Variants in MAGI3 observed in about 807,000 individuals in gnomAD.
MAGI3 encodes the protein membrane associated guanylate kinase, WW and PDZ domain containing 3.
Under a neutral mutation model 121.8 loss-of-function variants are expected in MAGI3, and 43 were observed. The ratio of observed to expected loss-of-function variants is 0.35; its 90% CI spans 0.28 to 0.46. MAGI3 has a LOEUF of 0.46. Among genes scored for constraint, MAGI3 ranks in the 20% least tolerant of loss-of-function variants. The pLI is 1.00. For synonymous variants in MAGI3, 553 were observed against 639.3 expected (o/e 0.86, Z 2.04); for missense variants, 1,547 against 1,797.3 (o/e 0.86, Z 2.52).
At chr1:113,411,315 A>T (rs940022440) in intron 1 of MAGI3, among the ~76,000 whole-genome samples, 1 of 152,138 alleles carries the variant, frequency 6.6e-6, no homozygotes, top group Non-Finnish European at 1.5e-5. Flanking sequence ...TGGCACATAC[A>T]CAAATCATCT....
chr1:113,671,841 G>A lies in MAGI3; in HGVS notation c.2918+5G>A. On this transcript the variant is annotated splice_donor_5th_base_variant and intron_variant, in intron 17 of 20. Coordinates refer to ENST00000307546, the MANE Select transcript of MAGI3 (RefSeq NM_001142782.2). ...CAACCACATACCTGGGGACAGGTGG[G>A]GCTATTTTCAGGTTTTTGTTTTTGT... 1 of 1,613,708 alleles carries A rather than the reference G, an allele frequency of 6.2e-7. No homozygotes were observed. The highest frequency in any genetic ancestry group is 8.5e-7 in the Non-Finnish European group (1 of 1,179,670).
chr1:113,543,718 A>G (rs1659397309), intron 1 of MAGI3, among the ~76,000 whole-genome samples: 1 of 152,070 alleles, frequency 6.6e-6, no homozygotes, highest in Admixed American at 6.6e-5. Flanking sequence ...AAATACAAAA[A>G]TTAACCTGGC....
chr1:113,618,035 T>C (rs948490012), intron 7 of MAGI3, among the ~76,000 whole-genome samples: 5 of 152,158 alleles, frequency 3.3e-5, no homozygotes, highest in African/African-American at 4.8e-5. Context: ...TAACATTCCT[T>C]TTTTTGAAAG....
chr1:113,611,138 G>A (rs1167742741), intron 6 of MAGI3, among the ~76,000 whole-genome samples: 1 of 147,706 alleles, frequency 6.8e-6, no homozygotes, highest in Admixed American at 6.8e-5. Context: ...CCAGGCTGGA[G>A]TGCAGTGATG....
intron 1 of MAGI3, among the ~76,000 whole-genome samples, chr1:113,395,407 A>G (rs1029062937): frequency 6.6e-6 from 1 of 151,374 alleles, no homozygotes; most frequent in African/African-American, 2.4e-5. Context: ...TTTTTTCCCT[A>G]AAGCTCTTAA....
At chr1:113,662,803 G>T (rs1455087209) in intron 16 of MAGI3, among the ~76,000 whole-genome samples, 3 of 152,118 alleles carry the variant, frequency 2.0e-5, no homozygotes, top group Admixed American at 6.5e-5. Flanking sequence ...CCATGTTGTT[G>T]TTGTTTTCTT....
At chr1:113,606,194 T>C (rs1276869589) in intron 6 of MAGI3, among the ~76,000 whole-genome samples, 1 of 152,052 alleles carries the variant, frequency 6.6e-6, no homozygotes, top group African/African-American at 2.4e-5. Flanking sequence ...CTGAAACTCC[T>C]GACCTCAAGT....
chr1:113,600,552 A>G (rs553438485), intron 6 of MAGI3, among the ~76,000 whole-genome samples: 2 of 152,268 alleles, frequency 1.3e-5, no homozygotes, highest in South Asian at 4.2e-4. Flanking sequence ...ACTACAAACC[A>G]CTGCTCAATG....
At chr1:113,578,473 T>C (rs1647797537) in intron 2 of MAGI3, among the ~76,000 whole-genome samples, 1 of 152,082 alleles carries the variant, frequency 6.6e-6, no homozygotes. Context: ...GCAGTGGTGC[T>C]GCAATGATAA....
intron 19 of MAGI3, among the ~76,000 whole-genome samples, chr1:113,676,583 C>T (rs1365905711): frequency 2.0e-5 from 3 of 152,128 alleles, no homozygotes; most frequent in Admixed American, 2.0e-4. Flanking sequence ...ACTTTTTGGG[C>T]TATTAAATTA....
At position 113,570,955 on chromosome 1, in the gene MAGI3, G is replaced by A. The variant is rs191705949; in HGVS notation, c.434-9587G>A. Among the ~76,000 whole-genome samples, 19 of 152,256 alleles carry A rather than the reference G, an allele frequency of 1.2e-4. No individual in the cohort carries two copies. In the East Asian group the frequency reaches 3.3e-3, roughly 26 times the overall value. On this transcript the variant is annotated intron_variant, in intron 2 of 20. Transcript: ENST00000307546. ...CTATTGTTTTTGGTGTTTTAGTCAT[G>A]AAGTCTTTGCCCATGCCTACGTCCT...
intron 1 of MAGI3, among the ~76,000 whole-genome samples, chr1:113,446,991 G>C (rs1654207857): frequency 6.6e-6 from 1 of 152,218 alleles, no homozygotes; most frequent in Non-Finnish European, 1.5e-5. Flanking sequence ...GTTGCCAGGG[G>C]TGCAGTGGAG....
At chr1:113,559,031 C>G (rs1660107735) in intron 2 of MAGI3, among the ~76,000 whole-genome samples, 1 of 152,184 alleles carries the variant, frequency 6.6e-6, no homozygotes, top group Non-Finnish European at 1.5e-5. Flanking sequence ...ACCTGCCTTG[C>G]AAAAGCACCT....
At chr1:113,671,918 T>G in intron 17 of MAGI3, 82 bp downstream of exon 17, 3 of 1,231,764 alleles carry the variant, frequency 2.4e-6, no homozygotes, top group Non-Finnish European at 2.3e-6. Flanking sequence ...CCACTCCCCA[T>G]CATCCACCCC....
chr1:113,442,121 C>T (rs1409637452), intron 1 of MAGI3, among the ~76,000 whole-genome samples: 2 of 152,082 alleles, frequency 1.3e-5, no homozygotes, highest in African/African-American at 2.4e-5. Flanking sequence ...TCAGAAGCCA[C>T]TTATAATTTA....
chr1:113,472,359 C>T (rs561180675), intron 1 of MAGI3, among the ~76,000 whole-genome samples: 67 of 152,114 alleles, frequency 4.4e-4, no homozygotes, highest in African/African-American at 5.8e-4. Context: ...CCTGCCACCA[C>T]GCCCGGCTAA....
chr1:113,472,265 C>T (rs761726670), intron 1 of MAGI3, among the ~76,000 whole-genome samples: 35 of 150,528 alleles, frequency 2.3e-4, no homozygotes, highest in East Asian at 1.4e-3. Flanking sequence ...TGCAGTGGCG[C>T]GATCTCGGCT....
chr1:113,562,757 A>G (rs1557824988), intron 2 of MAGI3, among the ~76,000 whole-genome samples: 2 of 152,150 alleles, frequency 1.3e-5, no homozygotes, highest in Admixed American at 6.5e-5. Context: ...TATGTAGGTG[A>G]TAGGATGATC....
At chr1:113,412,489 A>G (rs757009462) in intron 1 of MAGI3, among the ~76,000 whole-genome samples, 3 of 152,194 alleles carry the variant, frequency 2.0e-5, no homozygotes, top group African/African-American at 4.8e-5. Flanking sequence ...ACTCCCACCA[A>G]TAGTGTAAAA....
Sources: allele counts gnomAD v4.1 joint callset (sites outside exome capture counted in the v4.1 genomes callset), GRCh38; gene constraint gnomAD v4.1.1; transcripts MANE v1.5; gene names NCBI Gene and HGNC (gene_info 2026-07-23, HGNC 2026-07-21).